The following USH2A variants were observed in gnomAD, a reference collection of about 807,000 sequenced individuals.
USH2A encodes the protein Usher syndrome 2A (autosomal recessive, mild).
USH2A carries 443 observed loss-of-function variants against 538.9 expected under a neutral mutation model. The observed-to-expected ratio is 0.82, with a 90% CI of 0.76 to 0.89. USH2A has a LOEUF of 0.89. Among genes scored for constraint, USH2A ranks in the 40% least tolerant of loss-of-function variants. The pLI is 0.00. For synonymous variants in USH2A, 2,413 were observed against 2,273.5 expected (o/e 1.06, Z -1.75); for missense variants, 6,633 against 6,324.8 (o/e 1.05, Z -1.65).
intron 61 of USH2A, among the ~76,000 whole-genome samples, chr1:215,720,805 T>C (rs778076537): frequency 2.6e-5 from 4 of 152,172 alleles, no homozygotes; most frequent in Non-Finnish European, 5.9e-5. Flanking sequence ...CTATGAGGCA[T>C]GGAATTTCCT....
intron 32 of USH2A, among the ~76,000 whole-genome samples, chr1:216,023,459 CAAAAAA>C: frequency 0.31 from 14,550 of 47,452 alleles, 848 homozygotes; most frequent in Middle Eastern, 0.42. Flanking sequence ...TCAAAGCAGA[CAAAAAA>C]AAAAAAAAAA....
chr1:215,874,296 G>T (rs1339520810), intron 43 of USH2A, among the ~76,000 whole-genome samples: 4 of 152,144 alleles, frequency 2.6e-5, no homozygotes, highest in Admixed American at 6.5e-5. Flanking sequence ...CTGACAAGCA[G>T]TATAAACCTG....
rs1402599105 is a variant in USH2A at position 216,036,655 on chromosome 1, C to A, written c.6325+9776G>T. 3.3e-5 allele frequency among the ~76,000 whole-genome samples: 5 copies of A among 152,212 alleles called. No homozygotes were observed. In the East Asian group the frequency reaches 9.7e-4, roughly 29 times the overall value. ...GTACACGGGTCAGTGACTTCATGTG[C>A]TAAATTCTAATTGCACAGATGAAGC... On this transcript the variant is annotated intron_variant, in intron 32 of 71. Coordinates refer to ENST00000307340, the MANE Select transcript of USH2A (RefSeq NM_206933.4).
chr1:216,254,335 G>C (rs1412174295), intron 11 of USH2A, among the ~76,000 whole-genome samples: 1 of 151,836 alleles, frequency 6.6e-6, no homozygotes, highest in Non-Finnish European at 1.5e-5. Flanking sequence ...TTTAATGTGA[G>C]AAAATACAAA....
chr1:216,204,739 G>A (rs906046327), intron 16 of USH2A, among the ~76,000 whole-genome samples: 12 of 152,090 alleles, frequency 7.9e-5, no homozygotes, highest in East Asian at 3.8e-4. Flanking sequence ...TGCTAGCCAC[G>A]CACTAGAAAT....
rs1351274941 is a variant in USH2A, at chr1:215,622,927, T to TTTAGA, written c.*2849_*2853dup. ...TCAAATATTTATTAAGCAAACCATC[T>TTTAGA]TTAGATTAGTTTACATGATATTTGT... On this transcript the variant is annotated 3_prime_UTR_variant, in exon 72 of 72. Transcript: ENST00000307340. The TTTAGA allele has an allele frequency of 2.6e-5, 4 of 152,154 alleles. No homozygotes were observed. Among genetic ancestry groups the TTTAGA allele is most frequent in the Non-Finnish European group, 4.4e-5 (3 of 68,008 alleles). 9.4% of individuals were successfully genotyped at this position (152,154 alleles called of 1,614,324 possible). A position where few individuals can be genotyped will look rare whatever the true frequency, so the allele number is the denominator to read the frequency against.
chr1:216,122,222 C>T (rs182779177), intron 21 of USH2A, among the ~76,000 whole-genome samples: 66 of 152,158 alleles, frequency 4.3e-4, no homozygotes, highest in African/African-American at 1.5e-3. Flanking sequence ...GTATGACTAC[C>T]CAGCTGCAAG....
intron 32 of USH2A, among the ~76,000 whole-genome samples, chr1:216,022,934 T>C (rs1207040307): frequency 6.6e-6 from 1 of 152,060 alleles, no homozygotes; most frequent in African/African-American, 2.4e-5. Flanking sequence ...AGAAGGGACA[T>C]GGAGATGCCC....
intron 3 of USH2A, among the ~76,000 whole-genome samples, chr1:216,417,857 G>C (rs184017085): frequency 4.5e-4 from 69 of 152,168 alleles, no homozygotes; most frequent in African/African-American, 1.2e-3. Context: ...TGAAAGGCAG[G>C]TGTGGCTTTA....
At chr1:215,628,480 A>C (rs1459665459) in intron 71 of USH2A, among the ~76,000 whole-genome samples, 2 of 152,008 alleles carry the variant, frequency 1.3e-5, no homozygotes, top group Non-Finnish European at 2.9e-5. Context: ...ACAGGGTTTC[A>C]CCATGTTGGC....
intron 61 of USH2A, among the ~76,000 whole-genome samples, chr1:215,696,904 G>A (rs187954308): frequency 1.3e-5 from 2 of 152,194 alleles, no homozygotes; most frequent in East Asian, 1.9e-4. Context: ...ATCTCAGTGA[G>A]AGGATGCCGT....
At chr1:216,125,526 A>G (rs2033235017) in intron 21 of USH2A, among the ~76,000 whole-genome samples, 2 of 152,270 alleles carry the variant, frequency 1.3e-5, no homozygotes, top group South Asian at 4.1e-4. Context: ...AAGAGTTAGT[A>G]GGCGAGCTTT....
intron 21 of USH2A, among the ~76,000 whole-genome samples, chr1:216,109,076 C>A (rs2032804577): frequency 6.6e-6 from 1 of 152,038 alleles, no homozygotes; most frequent in African/African-American, 2.4e-5. Flanking sequence ...TAGCGGGGGA[C>A]TTGGCTGGGA....
intron 60 of USH2A, among the ~76,000 whole-genome samples, chr1:215,732,318 T>C (rs1285211387): frequency 6.6e-6 from 1 of 152,158 alleles, no homozygotes; most frequent in African/African-American, 2.4e-5. Flanking sequence ...AAAAATTCTT[T>C]AGAGATTTAC....
At chr1:215,842,635 G>A (rs1417877908) in intron 46 of USH2A, among the ~76,000 whole-genome samples, 1 of 152,058 alleles carries the variant, frequency 6.6e-6, no homozygotes, top group Non-Finnish European at 1.5e-5. Context: ...GCCATAAAAA[G>A]GAATGAGATC....
At chr1:215,733,933 C>T (rs1223463672) in intron 60 of USH2A, among the ~76,000 whole-genome samples, 1 of 152,204 alleles carries the variant, frequency 6.6e-6, no homozygotes, top group Non-Finnish European at 1.5e-5. Flanking sequence ...TCCATGGTTT[C>T]TGGGACCTAG....
chr1:215,920,965 T>C (rs968778388), intron 38 of USH2A, among the ~76,000 whole-genome samples: 24 of 152,036 alleles, frequency 1.6e-4, no homozygotes, highest in African/African-American at 5.3e-4. Flanking sequence ...ATTCCACATA[T>C]GAATAAGTGT....
intron 6 of USH2A, 127 bp from the exon 7 acceptor site, chr1:216,324,479 T>C: frequency 1.1e-6 from 1 of 903,158 alleles, no homozygotes; most frequent in East Asian, 2.7e-5. Context: ...ATCAAATATG[T>C]ATTAGACATC....
chr1:216,045,530 T>C (rs1435924007), intron 32 of USH2A, among the ~76,000 whole-genome samples: 1 of 152,170 alleles, frequency 6.6e-6, no homozygotes, highest in Non-Finnish European at 1.5e-5. Flanking sequence ...GGTACAGAAG[T>C]AATTACTGTC....
Sources: gnomAD v4.1 joint callset for allele counts (sites outside exome capture counted in the v4.1 genomes callset) on GRCh38, gnomAD v4.1.1 for gene constraint, MANE v1.5 for transcripts, NCBI Gene and HGNC (gene_info 2026-07-23, HGNC 2026-07-21) for gene names.